Variants in ZBTB7B observed in about 807,000 individuals in gnomAD.
ZBTB7B encodes zinc finger and BTB domain-containing protein 7B.
Under a neutral mutation model 31.0 loss-of-function variants are expected in ZBTB7B, and 8 were observed. That is an observed-to-expected ratio of 0.26 (90% CI 0.15 to 0.47). The LOEUF (loss-of-function observed/expected upper bound fraction) is 0.47, where lower values mean the gene tolerates loss of function less well. Among genes scored for constraint, ZBTB7B ranks in the 20% least tolerant of loss-of-function variants. The probability of loss-of-function intolerance (pLI) is 0.99; values close to 1 mark genes in which losing one functional copy is unlikely to be tolerated. For missense variants in ZBTB7B, 494 were observed against 742.4 expected (o/e 0.67, Z 3.89); for synonymous variants, 261 against 307.3 (o/e 0.85, Z 1.58).
intron 1 of ZBTB7B, among the ~76,000 whole-genome samples, chr1:155,007,045 T>C (rs1224601658): frequency 6.6e-6 from 1 of 152,232 alleles, no homozygotes; most frequent in Non-Finnish European, 1.5e-5. Context: ...GAGCTCTCAA[T>C]TTGGCTGAGT....
rs1659452009 is a variant in ZBTB7B at position 155,016,808 on chromosome 1, C to T, written c.*123C>T. On this transcript the variant is annotated 3_prime_UTR_variant, in exon 3 of 3. Transcript: ENST00000535420. This position sits in a 1 kb window ranked among gnomAD's most constrained non-coding sequence, Gnocchi z 4.3. Reference sequence around the variant, plus strand: ...GGAGCCTTGCTGGCATCAGCATCAGCCCTTCCTCCCAGAGCCCTCATTCCA... The same window carrying T: ...GGAGCCTTGCTGGCATCAGCATCAGTCCTTCCTCCCAGAGCCCTCATTCCA... The T allele has an allele frequency of 1.6e-6, 1 of 630,646 alleles. No individual in the cohort carries two copies. The allele number at this position is 630,646 out of a possible 1,614,324, so 39.1% of individuals were successfully genotyped here. A position where few individuals can be genotyped will look rare whatever the true frequency, so the allele number is the denominator to read the frequency against.
chr1:155,011,103 C>G lies in ZBTB7B; in HGVS notation c.-6-3552C>G. The stretch of plus-strand genomic sequence containing the variant: ...TTTTCTCTGCTGCTAATCCTGGTTC[C>G]GCCTGCTGCCCCCCACACTAAGCCT... On this transcript the variant is annotated intron_variant, in intron 1 of 2. Transcript: ENST00000535420. 3 of 1,198,572 alleles carry G rather than the reference C, an allele frequency of 2.5e-6. No individual in the cohort carries two copies. The South Asian group carries it at 3.9e-5, about 16-fold the overall frequency. 74.2% of individuals were successfully genotyped at this position (1,198,572 alleles called of 1,614,324 possible). A position where few individuals can be genotyped will look rare whatever the true frequency, so the allele number is the denominator to read the frequency against.
rs551514790 is a variant in ZBTB7B at position 155,015,533 on chromosome 1, G to T, written c.873G>T (p.Ala291=). 3 of 1,613,766 alleles carry T rather than the reference G, an allele frequency of 1.9e-6. No homozygotes were observed. The highest frequency in any genetic ancestry group is 2.5e-6 in the Non-Finnish European group (3 of 1,179,952). ...TATATCCCCCAGCCTATGGGCTGGC[G>T]CAGGGTGGCGGGCCCCCGCTGTCCC... ...ELVYPPAYGL[A]QGGGPPLSPE... The change falls in exon 2 of 3, where the codon GCG becomes GCT. Residue 291 remains alanine, a synonymous_variant. Coordinates refer to ENST00000535420, the MANE Select transcript of ZBTB7B (RefSeq NM_001256455.2).
At chr1:155,014,538 T>G (rs1659218565) in intron 1 of ZBTB7B, 117 bp from the exon 2 acceptor site, 1 of 868,700 alleles carries the variant, frequency 1.2e-6, no homozygotes, top group Admixed American at 2.7e-5. Flanking sequence ...TGTAAAGTAC[T>G]CAGAAGGGTG....
In ZBTB7B at chr1:155,008,825, G is replaced by C. The variant is rs551718696; in HGVS notation, c.-6-5830G>C. Reference sequence around the variant, plus strand: ...AGCACCCAGAGGGTTAAGGCTGTAGGGGGGAGGGGCTGGGCCAGGTCGTGG... The same window carrying C: ...AGCACCCAGAGGGTTAAGGCTGTAGCGGGGAGGGGCTGGGCCAGGTCGTGG... On this transcript the variant is annotated intron_variant, in intron 1 of 2. Transcript: ENST00000535420. 9.3e-4 allele frequency among the ~76,000 whole-genome samples: 142 copies of C among 152,206 alleles called. 4 individuals carry two copies. The highest frequency in any genetic ancestry group is 5.0e-4 in the Non-Finnish European group (34 of 67,996).
At chr1:155,011,138 A>G in intron 1 of ZBTB7B, 1 of 917,998 alleles carries the variant, frequency 1.1e-6, no homozygotes, top group South Asian at 1.5e-5. Context: ...TCACTCCCCT[A>G]ATCCCCAGGG....
At position 155,018,040 on chromosome 1, in the gene ZBTB7B, T is replaced by A. The variant is rs1287216318; in HGVS notation, c.*1355T>A. Reference sequence around the variant, plus strand: ...TTCCTCGCTGGGTGCTGGACCCCTTTTGCAGCCTGGGCTCTGCCTTGCACT... The same window carrying A: ...TTCCTCGCTGGGTGCTGGACCCCTTATGCAGCCTGGGCTCTGCCTTGCACT... On this transcript the variant is annotated 3_prime_UTR_variant, in exon 3 of 3. Coordinates refer to ENST00000535420, the MANE Select transcript of ZBTB7B (RefSeq NM_001256455.2). 1 of 162,324 alleles carries A rather than the reference T, an allele frequency of 6.2e-6. No individual in the cohort carries two copies. The highest frequency in any genetic ancestry group is 1.4e-5 in the Non-Finnish European group (1 of 73,378). The allele number at this position is 162,324 out of a possible 1,614,324, so 10.1% of individuals were successfully genotyped here. A position where few individuals can be genotyped will look rare whatever the true frequency, so the allele number is the denominator to read the frequency against.
rs1659453124 is a variant in ZBTB7B, at chr1:155,016,822, G to C, written c.*137G>C. 4.9e-6 allele frequency: 3 copies of C among 609,494 alleles called. No homozygotes were observed. Among genetic ancestry groups the C allele is most frequent in the Non-Finnish European group, 8.6e-6 (3 of 347,062 alleles). 37.8% of individuals were successfully genotyped at this position (609,494 alleles called of 1,614,324 possible). ...ATCAGCATCAGCCCTTCCTCCCAGA[G>C]CCCTCATTCCAATTCCAAGCTAAGA... On this transcript the variant is annotated 3_prime_UTR_variant, in exon 3 of 3. Coordinates refer to ENST00000535420, the MANE Select transcript of ZBTB7B (RefSeq NM_001256455.2). The surrounding 1 kb of genome is among the most constrained non-coding windows in gnomAD (Gnocchi z 4.3).
At chr1:155,013,965 A>C in intron 1 of ZBTB7B, 2 of 929,954 alleles carry the variant, frequency 2.2e-6, no homozygotes, top group Non-Finnish European at 1.3e-6. Flanking sequence ...AAGAGGAGGA[A>C]GAGGATGATG....
At chr1:155,013,447 CAG>C (rs377484335) in intron 1 of ZBTB7B, among the ~76,000 whole-genome samples, 57 of 152,346 alleles carry the variant, frequency 3.7e-4, no homozygotes, top group African/African-American at 1.3e-3. Context: ...AATGGAAGCA[CAG>C]AGAGAAATGA....
Position 155,004,425 on chromosome 1 carries a change from A to C in ZBTB7B, c.-7+1482A>C, listed in dbSNP as rs900713904. 5.3e-5 allele frequency among the ~76,000 whole-genome samples: 8 copies of C among 152,066 alleles called. No homozygotes were observed. Among genetic ancestry groups the C allele is most frequent in the African/African-American group, 1.9e-4 (8 of 41,392 alleles). ...GCAGGATGGGAACTGTCTGGTCCCT[A>C]AGGGAGTATGTGTGAGTGTGGGGAT... On this transcript the variant is annotated intron_variant, in intron 1 of 2. Coordinates refer to ENST00000535420, the MANE Select transcript of ZBTB7B (RefSeq NM_001256455.2). This position sits in a 1 kb window ranked among gnomAD's most constrained non-coding sequence, Gnocchi z 4.0.
rs1233412583 is a variant in ZBTB7B, at chr1:155,016,444, G to A, written c.1379G>A (p.Arg460Gln). The A allele has an allele frequency of 8.7e-6, 14 of 1,614,048 alleles. No homozygotes were observed. Among genetic ancestry groups the A allele is most frequent in the Non-Finnish European group, 1.1e-5 (13 of 1,179,988 alleles). ...KGQNCLEVRT[R>Q]RRRKDDAPPH... ...CAGAACTGCCTGGAGGTGCGCACCC[G>A]ACGGCGCCGCAAGGACGATGCACCA... Residue 460 changes from arginine (R) to glutamine (Q), a missense_variant, in exon 3 of 3, where the codon CGA (arginine) becomes CAA (glutamine). Physicochemically the swap from Arg to Gln is conservative, Grantham distance 43 (BLOSUM62 1). Coordinates refer to ENST00000535420, the MANE Select transcript of ZBTB7B (RefSeq NM_001256455.2). This position sits in a 1 kb window ranked among gnomAD's most constrained non-coding sequence, Gnocchi z 4.3.
At chr1:155,002,487 C>G (rs546550653), upstream of ZBTB7B, 3 of 104,134 alleles carry the variant, frequency 2.9e-5, no homozygotes, top group African/African-American at 1.1e-4. Context: ...TCTGCAGGGA[C>G]TGGCTGGACG....
Position 155,015,464 on chromosome 1 carries a change from G to C in ZBTB7B, c.804G>C (p.Gln268His). ...CTGCCTCCCCTCCTGAGGGTCCCCA[G>C]AGCTACGAACCCTATGAGGGTGAGG... ...TGTASPPEGP[Q>H]SYEPYEGEEE... The change falls in exon 2 of 3, where the codon CAG becomes CAC. Residue 268 changes from glutamine (Q) to histidine (H), a missense_variant. By Grantham distance (24) the Gln-to-His change is conservative (BLOSUM62 0). This residue lies in a region of ZBTB7B where 216 missense variants were observed against 229.3 expected (regional missense o/e 0.94). Coordinates refer to ENST00000535420, the MANE Select transcript of ZBTB7B (RefSeq NM_001256455.2). 1 of 1,598,168 alleles carries C rather than the reference G, an allele frequency of 6.3e-7. No homozygotes were observed. The highest frequency in any genetic ancestry group is 8.5e-7 in the Non-Finnish European group (1 of 1,170,192).
At position 155,016,057 on chromosome 1, in the gene ZBTB7B, G is replaced by C. The variant is rs77548871; in HGVS notation, c.1155-163G>C. On this transcript the variant is annotated intron_variant, in intron 2 of 2. Transcript: ENST00000535420. The surrounding 1 kb of genome is among the most constrained non-coding windows in gnomAD (Gnocchi z 4.3). ...AAGCAGAGGAGTGGATAATGACAAG[G>C]CCTAGTTAAGCTAGAGGTGAGCTAG... Among the ~76,000 whole-genome samples the C allele has an allele frequency of 0.035, 5,300 of 152,178 alleles. 136 individuals are homozygous for C. The highest frequency in any genetic ancestry group is 0.058 in the Middle Eastern group (17 of 294).
At chr1:155,014,434 C>G (rs542055825) in intron 1 of ZBTB7B, 7 of 587,362 alleles carry the variant, frequency 1.2e-5, no homozygotes, top group Non-Finnish European at 2.1e-5. Flanking sequence ...CTGCACTTAA[C>G]TTGGAAAATC....
chr1:155,015,905 G>T, intron 2 of ZBTB7B, 91 bp downstream of exon 2: 1 of 1,486,368 alleles, frequency 6.7e-7, no homozygotes, highest in East Asian at 2.3e-5. Flanking sequence ...ACCCGAGGTG[G>T]TGGTAGGTGG....
chr1:155,009,420 G>T (rs1658798085), intron 1 of ZBTB7B, among the ~76,000 whole-genome samples: 1 of 152,148 alleles, frequency 6.6e-6, no homozygotes, highest in Admixed American at 6.5e-5. Flanking sequence ...CTGGCACCTT[G>T]TGCGGTCTCC....
chr1:155,016,591 G>A lies in ZBTB7B; in HGVS notation c.1526G>A (p.Gly509Glu). ...ARFWEQSAPT[G>E]PPVSTPGPPD... ...TTCTGGGAGCAGTCAGCCCCCACTG[G>A]GCCCCCGGTCTCTACCCCAGGGCCC... is the stretch of plus-strand genomic sequence containing the variant. Residue 509 changes from glycine to glutamate, a missense_variant, in exon 3 of 3, where the codon GGG becomes GAG. Gly to Glu is a moderately conservative substitution (Grantham distance 98). This residue lies in a region of ZBTB7B where 101 missense variants were observed against 119.5 expected (regional missense o/e 0.85). Coordinates refer to ENST00000535420, the MANE Select transcript of ZBTB7B (RefSeq NM_001256455.2). The surrounding 1 kb of genome is among the most constrained non-coding windows in gnomAD (Gnocchi z 4.3). 6.2e-7 allele frequency: 1 copy of A among 1,613,574 alleles called. No individual in the cohort carries two copies. The highest frequency in any genetic ancestry group is 2.2e-5 in the East Asian group (1 of 44,888).
Sources: gnomAD v4.1 joint callset for allele counts (sites outside exome capture counted in the v4.1 genomes callset) on GRCh38, gnomAD v4.1.1 for gene constraint, gnomAD v4.1.1 regional missense constraint, Gnocchi (gnomAD v3.1) non-coding constraint, MANE v1.5 for transcripts, NCBI Gene and HGNC (gene_info 2026-07-23, HGNC 2026-07-21) for gene names.